Variants in TUSC3 observed in about 807,000 individuals in gnomAD.
The protein encoded by TUSC3 is dolichyl-diphosphooligosaccharide--protein glycosyltransferase subunit TUSC3.
Under a neutral mutation model 44.8 loss-of-function variants are expected in TUSC3, and 45 were observed. That is an observed-to-expected ratio of 1.00 (90% confidence interval 0.79 to 1.29). TUSC3 has a LOEUF of 1.29. Among genes scored for constraint, TUSC3 ranks in the 50% most tolerant of loss-of-function variants. The probability of loss-of-function intolerance (pLI) is 0.00; values close to 1 mark genes in which losing one functional copy is unlikely to be tolerated. For synonymous variants in TUSC3, 212 were observed against 152.9 expected (o/e 1.39, Z -2.85); for missense variants, 519 against 437.9 (o/e 1.19, Z -1.65).
chr8:15,825,704 G>C, the TUSC3 span, among the ~76,000 whole-genome samples: 1 of 152,058 alleles, frequency 6.6e-6, no homozygotes, highest in African/African-American at 2.4e-5. Context: ...GAAGTGTTAC[G>C]TATAATGTGA....
chr8:15,635,639 G>A (rs1479785823), intron 2 of TUSC3, among the ~76,000 whole-genome samples: 2 of 152,146 alleles, frequency 1.3e-5, no homozygotes, highest in Non-Finnish European at 2.9e-5. Context: ...GGTGCCAGTG[G>A]TAGCCCCGAC....
intron 1 of TUSC3, among the ~76,000 whole-genome samples, chr8:15,555,417 C>T (rs892201659): frequency 1.3e-5 from 2 of 149,844 alleles, no homozygotes; most frequent in African/African-American, 2.4e-5. Flanking sequence ...CCACCTCAGC[C>T]TCCCCAGTAG....
At chr8:15,777,564 T>C in the TUSC3 span, among the ~76,000 whole-genome samples, 7 of 152,348 alleles carry the variant, frequency 4.6e-5, no homozygotes, top group African/African-American at 1.2e-4. Context: ...GAAGCAGATA[T>C]GAAGCATATA....
chr8:15,834,493 G>A, the TUSC3 span, among the ~76,000 whole-genome samples: 7 of 152,052 alleles, frequency 4.6e-5, no homozygotes, highest in Non-Finnish European at 1.5e-5. Context: ...GACTGAAACA[G>A]GTATGTTTCA....
intron 6 of TUSC3, among the ~76,000 whole-genome samples, chr8:15,707,912 A>C (rs1453045635): frequency 6.6e-6 from 1 of 151,898 alleles, no homozygotes; most frequent in Non-Finnish European, 1.5e-5. Context: ...CTTAGGTTCT[A>C]GTAGTTGCTG....
Position 15,548,339 on chromosome 8 carries a change from A to T in TUSC3, c.138+7771A>T, listed in dbSNP as rs186594939. Among the ~76,000 whole-genome samples the T allele has an allele frequency of 8.6e-5, 13 of 152,022 alleles. No homozygotes were observed. The East Asian group carries it at 2.5e-3, about 30-fold the overall frequency. On this transcript the variant is annotated intron_variant, in intron 1 of 10. Coordinates refer to ENST00000503731, the MANE Select transcript of TUSC3 (RefSeq NM_006765.4). ...AAGCAATAATTTCTATCAGTTAAAG[A>T]TCATCATTATTTCAGCATCTTGCAA... is the stretch of plus-strand genomic sequence containing the variant.
At chr8:15,754,565 C>T (rs1811843815) in intron 9 of TUSC3, among the ~76,000 whole-genome samples, 1 of 152,096 alleles carries the variant, frequency 6.6e-6, no homozygotes, top group African/African-American at 2.4e-5. Flanking sequence ...CACATTTGAA[C>T]ATAACACCTT....
the TUSC3 span, among the ~76,000 whole-genome samples, chr8:15,837,048 G>C: frequency 6.6e-6 from 1 of 151,968 alleles, no homozygotes; most frequent in Admixed American, 6.6e-5. Flanking sequence ...CTGTTTGTCT[G>C]ACTGTAAGAT....
intron 2 of TUSC3, 66 bp downstream of exon 2, chr8:15,623,315 C>T: frequency 1.4e-6 from 2 of 1,400,726 alleles, no homozygotes; most frequent in Non-Finnish European, 1.9e-6. Context: ...TTTTTATGTT[C>T]ATTTTAAGAT....
At chr8:15,615,946 C>G (rs1384601318) in intron 1 of TUSC3, among the ~76,000 whole-genome samples, 1 of 152,172 alleles carries the variant, frequency 6.6e-6, no homozygotes, top group Non-Finnish European at 1.5e-5. Flanking sequence ...ATCCTCTGGA[C>G]TCAGCCTCTT....
the TUSC3 span, among the ~76,000 whole-genome samples, chr8:15,808,559 T>A: frequency 2.0e-5 from 3 of 152,144 alleles, no homozygotes; most frequent in Admixed American, 6.6e-5. Flanking sequence ...TTACCGAACA[T>A]CTTTTCCTAC....
chr8:15,814,717 T>C, the TUSC3 span, among the ~76,000 whole-genome samples: 3 of 152,180 alleles, frequency 2.0e-5, no homozygotes, highest in Non-Finnish European at 4.4e-5. Context: ...AATGAAAAAC[T>C]TCAGCTGACC....
At chr8:15,717,526 C>G (rs1001606729) in intron 6 of TUSC3, among the ~76,000 whole-genome samples, 1 of 152,068 alleles carries the variant, frequency 6.6e-6, no homozygotes, top group African/African-American at 2.4e-5. Flanking sequence ...TTTCCATCCT[C>G]TATTAATTTC....
chr8:15,735,367 T>C (rs1810885813), intron 7 of TUSC3, among the ~76,000 whole-genome samples: 1 of 152,160 alleles, frequency 6.6e-6, no homozygotes, highest in African/African-American at 2.4e-5. Flanking sequence ...AGCTATGTGT[T>C]GTAGGATAGA....
chr8:15,496,056 C>G (rs145102475), intron 2 of TUSC3, among the ~76,000 whole-genome samples: 1 of 152,080 alleles, frequency 6.6e-6, no homozygotes, highest in Non-Finnish European at 1.5e-5. Context: ...ATTTTTGAGC[C>G]TAACTGTCTA....
At chr8:15,683,693 A>G (rs942492919) in intron 6 of TUSC3, among the ~76,000 whole-genome samples, 2 of 152,056 alleles carry the variant, frequency 1.3e-5, no homozygotes, top group African/African-American at 2.4e-5. Flanking sequence ...AATCCTTTGG[A>G]TATTACAAAA....
chr8:15,419,240 A>G (rs926405710), intron 1 of TUSC3, among the ~76,000 whole-genome samples: 1 of 152,202 alleles, frequency 6.6e-6, no homozygotes, highest in Non-Finnish European at 1.5e-5. Flanking sequence ...TAGAGATTAA[A>G]AATACTTTCA....
intron 2 of TUSC3, among the ~76,000 whole-genome samples, chr8:15,534,431 C>A (rs376474788): frequency 6.6e-6 from 1 of 152,000 alleles, no homozygotes; most frequent in African/African-American, 2.4e-5. Flanking sequence ...ATCACAAGGT[C>A]AGAAGATCGA....
chr8:15,757,664 C>G, intron 9 of TUSC3, 127 bp from the exon 10 acceptor site: 2 of 1,212,038 alleles, frequency 1.7e-6, no homozygotes, highest in Admixed American at 3.7e-5. Flanking sequence ...GCACCATCGT[C>G]TATCCCCTGT....
Sources: allele counts gnomAD v4.1 joint callset (sites outside exome capture counted in the v4.1 genomes callset), GRCh38; gene constraint gnomAD v4.1.1; transcripts MANE v1.5; gene names NCBI Gene and HGNC (gene_info 2026-07-23, HGNC 2026-07-21).